The following KIF13B variants were observed in gnomAD, a reference collection of about 807,000 sequenced individuals.
The protein encoded by KIF13B is kinesin family member 13B.
KIF13B carries 127 observed loss-of-function variants against 222.0 expected under a neutral mutation model. The ratio of observed to expected loss-of-function variants is 0.57; its 90% CI spans 0.50 to 0.66. KIF13B has a LOEUF of 0.66. Among genes scored for constraint, KIF13B ranks in the 30% least tolerant of loss-of-function variants. The pLI, the probability that KIF13B is intolerant of heterozygous loss-of-function variation, is 0.00. For missense variants in KIF13B, 2,173 were observed against 2,379.0 expected, an observed-to-expected ratio of 0.91 and a Z score of 1.80; for synonymous variants, 976 against 919.0, an observed-to-expected ratio of 1.06 and a Z score of -1.12.
At chr8:29,105,069 T>C (rs938461283) in intron 35 of KIF13B, among the ~76,000 whole-genome samples, 2 of 151,846 alleles carry the variant, frequency 1.3e-5, no homozygotes, top group African/African-American at 4.8e-5. Flanking sequence ...CGGGCTCAAG[T>C]GATCCTCCCC....
Position 29,142,173 on chromosome 8 carries a change from C to T in KIF13B, c.2318G>A (p.Cys773Tyr). ...ATAACTTACTGGGTTATCTTCTTCA[C>T]ACTCTTTCCACTCCTGATAAAGGTC... Reference protein sequence around the residue: ...MRDLYQEWKECEEDNPVIRSY... With the variant: ...MRDLYQEWKEYEEDNPVIRSY... The change falls in exon 19 of 40, where the codon TGT becomes TAT. Residue 773 changes from cysteine to tyrosine, a missense_variant. By Grantham distance (194) the Cys-to-Tyr change is radical. Coordinates refer to ENST00000524189, the MANE Select transcript of KIF13B (RefSeq NM_015254.4). 7 of 1,613,386 alleles carry T rather than the reference C, an allele frequency of 4.3e-6. No individual in the cohort carries two copies. Among genetic ancestry groups the T allele is most frequent in the Non-Finnish European group, 5.1e-6 (6 of 1,179,492 alleles).
chr8:29,195,773 C>G (rs761123229), intron 3 of KIF13B, among the ~76,000 whole-genome samples: 2 of 152,230 alleles, frequency 1.3e-5, no homozygotes, highest in South Asian at 4.1e-4. Context: ...TCGGTTTTGA[C>G]CGCAGTTTGG....
chr8:29,255,773 G>A (rs1055983595), intron 1 of KIF13B, among the ~76,000 whole-genome samples: 1 of 152,084 alleles, frequency 6.6e-6, no homozygotes, highest in Non-Finnish European at 1.5e-5. Flanking sequence ...CCATCATAAT[G>A]CCAAATCCAC....
intron 1 of KIF13B, among the ~76,000 whole-genome samples, chr8:29,253,828 C>CAAAAAA: frequency 4.6e-5 from 1 of 21,544 alleles, no homozygotes; most frequent in Non-Finnish European, 9.8e-5. Flanking sequence ...GAGACTGTCT[C>CAAAAAA]AAAAAAAAAA....
intron 37 of KIF13B, among the ~76,000 whole-genome samples, chr8:29,089,753 G>A (rs1161091908): frequency 6.6e-6 from 1 of 151,986 alleles, no homozygotes; most frequent in Non-Finnish European, 1.5e-5. Flanking sequence ...AATCAGCCAA[G>A]CGTGGTGGCA....
intron 26 of KIF13B, among the ~76,000 whole-genome samples, chr8:29,124,914 G>T (rs1586811834): frequency 6.6e-6 from 1 of 151,718 alleles, no homozygotes; most frequent in East Asian, 1.9e-4. Flanking sequence ...GCTGGGCATG[G>T]TGGTGTTCAC....
chr8:29,093,496 CT>C (rs1013002351), intron 36 of KIF13B, among the ~76,000 whole-genome samples: 11 of 152,264 alleles, frequency 7.2e-5, no homozygotes, highest in African/African-American at 2.6e-4. Context: ...CTTCTTCCCC[CT>C]ATTAATTTAT....
At chr8:29,186,557 T>C in intron 5 of KIF13B, 85 bp from the exon 6 acceptor site, 3 of 1,110,976 alleles carry the variant, frequency 2.7e-6, no homozygotes, top group Non-Finnish European at 3.8e-6. Flanking sequence ...AATAAACACT[T>C]GGCAAAACGC....
intron 2 of KIF13B, among the ~76,000 whole-genome samples, chr8:29,202,838 C>G (rs1380256563): frequency 6.6e-6 from 1 of 151,980 alleles, no homozygotes; most frequent in African/African-American, 2.4e-5. Flanking sequence ...GCGTCATCTC[C>G]CCCAACTCAG....
At chr8:29,127,994 G>A (rs1192371290) in intron 24 of KIF13B, among the ~76,000 whole-genome samples, 1 of 151,138 alleles carries the variant, frequency 6.6e-6, no homozygotes, top group Non-Finnish European at 1.5e-5. Context: ...ACATGTTAAA[G>A]TACCAGTAAA....
At chr8:29,248,061 G>A (rs1228277507) in intron 1 of KIF13B, among the ~76,000 whole-genome samples, 1 of 152,020 alleles carries the variant, frequency 6.6e-6, no homozygotes, top group African/African-American at 2.4e-5. Context: ...GGTTGGCAAG[G>A]GTGTGGAGTA....
At chr8:29,257,788 G>A (rs535551513) in intron 1 of KIF13B, among the ~76,000 whole-genome samples, 375 of 151,956 alleles carry the variant, frequency 2.5e-3, no homozygotes, top group Non-Finnish European at 4.1e-3. Flanking sequence ...CTCCAGCCTG[G>A]GCAACAGAGG....
chr8:29,192,838 G>C (rs1245115953), intron 3 of KIF13B, among the ~76,000 whole-genome samples: 1 of 152,030 alleles, frequency 6.6e-6, no homozygotes, highest in African/African-American at 2.4e-5. Flanking sequence ...AAAGAACAAG[G>C]TTTTGAAACC....
Position 29,070,851 on chromosome 8 carries a change from T to C in KIF13B, c.5219-85A>G. 1.4e-6 allele frequency: 2 copies of C among 1,398,206 alleles called. No individual in the cohort carries two copies. The highest frequency in any genetic ancestry group is 9.8e-7 in the Non-Finnish European group (1 of 1,017,420). The allele number at this position is 1,398,206 out of a possible 1,614,324, so 86.6% of individuals were successfully genotyped here. A position where few individuals can be genotyped will look rare whatever the true frequency, so the allele number is the denominator to read the frequency against. ...CTCCCTTACCTCTGCAGAGGCCATGTGCCCACACTGCCACCCCCCCGCACA... is the reference window on the plus strand; with the variant it reads ...CTCCCTTACCTCTGCAGAGGCCATGCGCCCACACTGCCACCCCCCCGCACA... On this transcript the variant is annotated intron_variant, in intron 39 of 39. Transcript: ENST00000524189. This position sits in a 1 kb window ranked among gnomAD's most constrained non-coding sequence, Gnocchi z 4.1.
At chr8:29,140,393 A>G in intron 20 of KIF13B, 75 bp downstream of exon 20, 1 of 1,501,204 alleles carries the variant, frequency 6.7e-7, no homozygotes, top group Non-Finnish European at 9.1e-7. Context: ...AAAAAATAGC[A>G]ACAATATCCC....
At chr8:29,164,490 G>A (rs17455598) in intron 12 of KIF13B, among the ~76,000 whole-genome samples, 13,722 of 152,226 alleles carry the variant, frequency 0.09, 862 homozygotes, top group Non-Finnish European at 0.13. Context: ...AAAGTGCTTA[G>A]CATAGGGCTC....
At chr8:29,204,505 AGTTCAGGACCAACACTGCAAGACCCCC>A (rs1190220749) in intron 2 of KIF13B, among the ~76,000 whole-genome samples, 29 of 152,356 alleles carry the variant, frequency 1.9e-4, no homozygotes, top group African/African-American at 6.7e-4. Flanking sequence ...TGAGTCCAGC[AGTTCAGGACCAACACTGCAAGACCCCC>A]ATCTCTATAA....
chr8:29,121,111 G>A (rs553541679), intron 29 of KIF13B, among the ~76,000 whole-genome samples: 137 of 151,660 alleles, frequency 9.0e-4, no homozygotes, highest in African/African-American at 3.1e-3. Flanking sequence ...TTGCGAAATC[G>A]TGAAAATGGC....
At chr8:29,251,703 T>C (rs1816291129) in intron 1 of KIF13B, among the ~76,000 whole-genome samples, 1 of 152,182 alleles carries the variant, frequency 6.6e-6, no homozygotes, top group Admixed American at 6.5e-5. Flanking sequence ...GTGATGGTGA[T>C]ACAACAATGT....
Sources: gnomAD v4.1 joint callset for allele counts (sites outside exome capture counted in the v4.1 genomes callset) on GRCh38, gnomAD v4.1.1 for gene constraint, Gnocchi (gnomAD v3.1) non-coding constraint, MANE v1.5 for transcripts, NCBI Gene and HGNC (gene_info 2026-07-23, HGNC 2026-07-21) for gene names.